CUX1: variants seen among roughly 807,000 people sequenced by gnomAD.
CUX1 encodes the protein protein CASP.
A neutral mutation model predicts 158.8 loss-of-function variants in CUX1; 31 were observed. The observed-to-expected ratio is 0.20, with a 90% CI of 0.15 to 0.26. CUX1 has a LOEUF of 0.26. Among genes scored for constraint, CUX1 ranks in the 10% least tolerant of loss-of-function variants. The pLI is 1.00. For synonymous variants in CUX1, 879 were observed against 862.1 expected, an observed-to-expected ratio of 1.02 and a Z score of -0.34; for missense variants, 1,589 against 2,014.6, an observed-to-expected ratio of 0.79 and a Z score of 4.04.
intron 22 of CUX1, among the ~76,000 whole-genome samples, chr7:102,234,474 A>G (rs1052898653): frequency 1.8e-4 from 27 of 152,076 alleles, no homozygotes; most frequent in African/African-American, 6.5e-4. Flanking sequence ...TAGCACTGGG[A>G]GCACTTTTAA....
chr7:102,113,407 C>A (rs564346176), intron 7 of CUX1, among the ~76,000 whole-genome samples: 2 of 152,022 alleles, frequency 1.3e-5, no homozygotes, highest in African/African-American at 4.8e-5. Context: ...GCGTTACAGG[C>A]GCATGCCACC....
chr7:102,049,746 G>T (rs1157008669), intron 3 of CUX1, among the ~76,000 whole-genome samples: 1 of 152,146 alleles, frequency 6.6e-6, no homozygotes. Context: ...TAGGAAGGGA[G>T]AGAAACTGGT....
intron 8 of CUX1, 72 bp downstream of exon 8, chr7:102,115,345 C>G: frequency 1.5e-6 from 2 of 1,350,146 alleles, no homozygotes; most frequent in Admixed American, 2.1e-5. Context: ...AGGGCAGGAT[C>G]GAGAAGGTTC....
intron 1 of CUX1, among the ~76,000 whole-genome samples, chr7:101,893,489 T>G (rs963203654): frequency 6.6e-6 from 1 of 152,188 alleles, no homozygotes; most frequent in Non-Finnish European, 1.5e-5. Context: ...ATTTGCCTGG[T>G]AAGAAGCGCG....
At chr7:102,085,703 A>C (rs1554480219) in intron 4 of CUX1, among the ~76,000 whole-genome samples, 1 of 152,240 alleles carries the variant, frequency 6.6e-6, no homozygotes, top group African/African-American at 2.4e-5. Flanking sequence ...AGACTAATAC[A>C]GAAATATACA....
chr7:101,990,649 T>C (rs1814985489), intron 2 of CUX1, among the ~76,000 whole-genome samples: 1 of 151,796 alleles, frequency 6.6e-6, no homozygotes, highest in Non-Finnish European at 1.5e-5. Context: ...AGTGCTGGGA[T>C]TACAGGTGTG....
chr7:101,998,478 G>A (rs553414534), intron 2 of CUX1, among the ~76,000 whole-genome samples: 2 of 152,292 alleles, frequency 1.3e-5, no homozygotes, highest in East Asian at 1.9e-4. Flanking sequence ...CAGCCCGGGC[G>A]GTGCCCCCAG....
chr7:102,165,172 C>A (rs1033329296), intron 9 of CUX1, among the ~76,000 whole-genome samples: 5 of 152,058 alleles, frequency 3.3e-5, no homozygotes, highest in African/African-American at 1.2e-4. Flanking sequence ...TTCGCCCCAC[C>A]AGGCTGCAGC....
chr7:102,157,640 C>T (rs781852983), intron 8 of CUX1, among the ~76,000 whole-genome samples: 21 of 152,140 alleles, frequency 1.4e-4, no homozygotes, highest in African/African-American at 5.1e-4. Flanking sequence ...ATTAGCCGGG[C>T]GTGGTGGTGC....
chr7:101,873,180 T>TC (rs1334719396), intron 1 of CUX1, among the ~76,000 whole-genome samples: 3 of 141,214 alleles, frequency 2.1e-5, no homozygotes, highest in South Asian at 2.2e-4. Context: ...CTCAGCTTCT[T>TC]TTTTTTTTTT....
At chr7:102,049,345 A>AG (rs1233281336) in intron 3 of CUX1, among the ~76,000 whole-genome samples, 1 of 152,164 alleles carries the variant, frequency 6.6e-6, no homozygotes, top group Non-Finnish European at 1.5e-5. Flanking sequence ...CTCAGCCCGG[A>AG]GGGGAGAGGA....
At position 102,115,222 on chromosome 7, in the gene CUX1, G is replaced by A. The variant is rs187519642; in HGVS notation, c.623G>A (p.Arg208Gln). The change falls in exon 8 of 24, where the codon CGA becomes CAA. Residue 208 changes from arginine to glutamine, a missense_variant. Transcript: ENST00000292535. ...QSLQTALEKT[R>Q]TELFDLKTKY... The stretch of plus-strand genomic sequence containing the variant: ...TGCCTTTCAGCCCTGGAAAAAACTC[G>A]AACAGAATTATTTGACCTGAAAACC... The A allele has an allele frequency of 2.9e-4, 464 of 1,608,026 alleles. 1 individual carries two copies. Among genetic ancestry groups the A allele is most frequent in the Middle Eastern group, 1.5e-3 (9 of 6,048 alleles).
chr7:101,901,562 G>T (rs13241252), intron 1 of CUX1, among the ~76,000 whole-genome samples: 31,517 of 152,044 alleles, frequency 0.21, 5,008 homozygotes, highest in East Asian at 0.84. Context: ...CCCAAAGTGC[G>T]GGGGTTACAG....
intron 2 of CUX1, among the ~76,000 whole-genome samples, chr7:101,994,806 A>G (rs1377515022): frequency 6.6e-6 from 1 of 151,806 alleles, no homozygotes; most frequent in African/African-American, 2.4e-5. Flanking sequence ...GAGAAACATT[A>G]AGGCCAGGCA....
At chr7:101,833,501 C>T (rs556725224) in intron 1 of CUX1, among the ~76,000 whole-genome samples, 4 of 137,554 alleles carry the variant, frequency 2.9e-5, no homozygotes, top group South Asian at 2.3e-4. Context: ...GCTGCAGTGA[C>T]GTATGACAGT....
intron 20 of CUX1, among the ~76,000 whole-genome samples, chr7:102,215,813 T>C (rs1796990613): frequency 6.6e-6 from 1 of 152,086 alleles, no homozygotes. Context: ...CTGAGGAATA[T>C]CCCATTGCAG....
intron 20 of CUX1, among the ~76,000 whole-genome samples, chr7:102,215,810 A>G (rs898580366): frequency 9.2e-5 from 14 of 152,158 alleles, no homozygotes; most frequent in African/African-American, 3.1e-4. Context: ...TCTCTGAGGA[A>G]TATCCCATTG....
At chr7:102,238,639 G>T (rs1799850710) in intron 22 of CUX1, among the ~76,000 whole-genome samples, 1 of 152,086 alleles carries the variant, frequency 6.6e-6, no homozygotes, top group Non-Finnish European at 1.5e-5. Flanking sequence ...TACCTGGGTG[G>T]CTTGCCGCCC....
At chr7:102,213,148 G>A (rs1554523615) in intron 20 of CUX1, among the ~76,000 whole-genome samples, 21 of 152,164 alleles carry the variant, frequency 1.4e-4, no homozygotes, top group Non-Finnish European at 1.5e-5. Flanking sequence ...CCAGCCAGAT[G>A]TCTGCTTTTA....
Sources: allele counts gnomAD v4.1 joint callset (sites outside exome capture counted in the v4.1 genomes callset), GRCh38; gene constraint gnomAD v4.1.1; transcripts MANE v1.5; gene names NCBI Gene and HGNC (gene_info 2026-07-23, HGNC 2026-07-21).